Variants in PAOX observed in about 807,000 individuals in gnomAD.
The protein encoded by PAOX is polyamine oxidase, also known as peroxisomal N(1)-acetyl-spermine/spermidine oxidase.
A neutral mutation model predicts 39.0 loss-of-function variants in PAOX; 38 were observed. The observed-to-expected ratio is 0.97, with a 90% CI of 0.75 to 1.28. PAOX has a LOEUF of 1.28. PAOX is among the 50% of genes most tolerant of loss of function. PAOX has a pLI of 0.00. For synonymous variants in PAOX, 311 were observed against 314.4 expected, an observed-to-expected ratio of 0.99 and a Z score of 0.11; for missense variants, 667 against 685.7, an observed-to-expected ratio of 0.97 and a Z score of 0.30.
At chr10:133,388,276 T>C (rs956965296) in intron 4 of PAOX, among the ~76,000 whole-genome samples, 5 of 152,156 alleles carry the variant, frequency 3.3e-5, no homozygotes, top group African/African-American at 1.2e-4. Flanking sequence ...CATTAGTTAT[T>C]TTTCCTGCTC....
In PAOX at chr10:133,384,058, A is replaced by T. The variant is rs1331071945; in HGVS notation, c.967A>T (p.Ile323Phe). Residue 323 changes from isoleucine to phenylalanine, a missense_variant, in exon 4 of 7, where the codon ATC (isoleucine) becomes TTC (phenylalanine). By Grantham distance (21) the Ile-to-Phe change is conservative. Transcript: ENST00000278060. The surrounding 1 kb of genome is among the most constrained non-coding windows in gnomAD (Gnocchi z 4.3). The stretch of plus-strand genomic sequence containing the variant: ...GATAGGCTTTGGGACCAACAACAAA[A>T]TCTTCCTGGAGTTTGAGGAGCCCTT... ...RKIGFGTNNK[I>F]FLEFEEPFWE... The T allele has an allele frequency of 6.2e-7, 1 of 1,614,092 alleles. No individual in the cohort carries two copies. Among genetic ancestry groups the T allele is most frequent in the Non-Finnish European group, 8.5e-7 (1 of 1,179,986 alleles).
At chr10:133,381,937 C>A (rs978044215) in intron 3 of PAOX, among the ~76,000 whole-genome samples, 1 of 152,152 alleles carries the variant, frequency 6.6e-6, no homozygotes, top group African/African-American at 2.4e-5. Context: ...ATTAACCACA[C>A]CGCACTTTGC....
chr10:133,379,658 C>A, intron 1 of PAOX, 161 bp downstream of exon 1: 2 of 644,366 alleles, frequency 3.1e-6, no homozygotes, highest in Non-Finnish European at 4.4e-6. Flanking sequence ...CGCCCCGAAA[C>A]TCAGGGCTCA....
At chr10:133,389,789 A>C in intron 6 of PAOX, 42 bp downstream of exon 6, 2 of 1,411,714 alleles carry the variant, frequency 1.4e-6, no homozygotes, top group Non-Finnish European at 1.8e-6. Context: ...GTCCCGCTGC[A>C]GAGGCCCCCG....
chr10:133,388,219 CTTG>C (rs1302837306), intron 4 of PAOX, among the ~76,000 whole-genome samples: 4 of 152,070 alleles, frequency 2.6e-5, no homozygotes, highest in African/African-American at 7.2e-5. Flanking sequence ...ATCATGGGGG[CTTG>C]TTGTACAGAT....
At chr10:133,390,499 C>T (rs1201166145) in intron 6 of PAOX, among the ~76,000 whole-genome samples, 1 of 152,004 alleles carries the variant, frequency 6.6e-6, no homozygotes, top group African/African-American at 2.4e-5. Context: ...CAGGCTTGGG[C>T]CCAGGAAGTT....
chr10:133,390,410 CCACACACACACACA>C (rs59249557), intron 6 of PAOX, among the ~76,000 whole-genome samples: 16 of 145,328 alleles, frequency 1.1e-4, no homozygotes, highest in African/African-American at 3.3e-4. Context: ...GAGTCGGTCT[CCACACACACACACA>C]CACACACACA....
chr10:133,381,745 C>T, intron 3 of PAOX, 86 bp downstream of exon 3: 1 of 1,386,462 alleles, frequency 7.2e-7, no homozygotes, highest in Non-Finnish European at 1.0e-6. Context: ...GGGGCGTTTG[C>T]TTGTGTACGA....
intron 2 of PAOX, among the ~76,000 whole-genome samples, chr10:133,380,819 A>C (rs945862799): frequency 6.6e-6 from 1 of 152,124 alleles, no homozygotes; most frequent in African/African-American, 2.4e-5. Context: ...CTCTACTAAA[A>C]ATACAAAAAT....
intron 4 of PAOX, among the ~76,000 whole-genome samples, chr10:133,388,726 G>T (rs1183216575): frequency 6.6e-6 from 1 of 152,224 alleles, no homozygotes; most frequent in Non-Finnish European, 1.5e-5. Context: ...CTGCCTGAGG[G>T]ACGCTCTGTG....
chr10:133,384,314 G>C lies in PAOX; in HGVS notation c.1121+102G>C. ...CTGTTCACTGCAGGGTATTTCTAGG[G>C]GGTTTAATGGGTAGGGTTCCCATGA... On this transcript the variant is annotated intron_variant, in intron 4 of 6. Transcript: ENST00000278060. The surrounding 1 kb of genome is among the most constrained non-coding windows in gnomAD (Gnocchi z 4.3). 6.6e-7 allele frequency: 1 copy of C among 1,507,740 alleles called. No homozygotes were observed. The highest frequency in any genetic ancestry group is 1.3e-5 in the South Asian group (1 of 76,984). 93.4% of individuals were successfully genotyped at this position (1,507,740 alleles called of 1,614,324 possible).
chr10:133,389,569 T>C (rs758773421), intron 5 of PAOX, 21 bp from the exon 6 acceptor site: 8 of 1,613,722 alleles, frequency 5.0e-6, no homozygotes, highest in South Asian at 1.1e-5. Context: ...TCGGTTAACA[T>C]GCAGTGTCTC....
In PAOX at chr10:133,380,107, A is replaced by C. The variant is rs531572023; in HGVS notation, c.290A>C (p.Gln97Pro). The change falls in exon 2 of 7, where the codon CAG (glutamine) becomes CCG (proline). Residue 97 changes from glutamine to proline, a missense_variant. By Grantham distance (76) the Gln-to-Pro change is moderately conservative. Transcript: ENST00000278060. ...YGLLGEKELS[Q>P]ENQLVETGGH... ...CTGCTGGGGGAGAAGGAGCTGTCCC[A>C]GGAGAACCAGCTGGTGGAGACCGGG... 2 of 1,567,680 alleles carry C rather than the reference A, an allele frequency of 1.3e-6. No homozygotes were observed. Among genetic ancestry groups the C allele is most frequent in the Admixed American group, 3.6e-5 (2 of 56,028 alleles).
intron 6 of PAOX, chr10:133,391,030 C>G: frequency 2.8e-6 from 2 of 702,280 alleles, no homozygotes; most frequent in Non-Finnish European, 2.6e-6. Context: ...TTGGTGGATG[C>G]GTGTGAGCCG....
At position 133,379,469 on chromosome 10, in the gene PAOX, G is replaced by C. The variant is rs986061693; in HGVS notation, c.153G>C (p.Gly51=). Residue 51 remains glycine (G), a synonymous_variant, in exon 1 of 7, where the codon GGG becomes GGC. Transcript: ENST00000278060. ...LRVLEATARA[G]GRIRSERCFG... is the part of the protein sequence containing the mutation. ...TCCTGGAGGCCACGGCCCGCGCCGGGGGCCGCATCCGCTCGGAGCGCTGCT... is the reference window on the plus strand; with the variant it reads ...TCCTGGAGGCCACGGCCCGCGCCGGCGGCCGCATCCGCTCGGAGCGCTGCT... 1.6e-6 allele frequency: 2 copies of C among 1,225,506 alleles called. No homozygotes were observed. Among genetic ancestry groups the C allele is most frequent in the African/African-American group, 1.6e-5 (1 of 63,958 alleles). 75.9% of individuals were successfully genotyped at this position (1,225,506 alleles called of 1,614,324 possible).
At position 133,380,193 on chromosome 10, in the gene PAOX, C is replaced by T; in HGVS notation, c.376C>T (p.Leu126=). ...CTCCGGGGCCAGCGTGAGCCTCCAG[C>T]TGGTGGCGGAGATGGCGACTCTGTT... ...ASSGASVSLQ[L]VAEMATLFYG... Residue 126 remains leucine (L), a synonymous_variant, in exon 2 of 7, where the codon CTG becomes TTG. Coordinates refer to ENST00000278060, the MANE Select transcript of PAOX (RefSeq NM_152911.4). 1.2e-6 allele frequency: 2 copies of T among 1,612,446 alleles called. No homozygotes were observed. Among genetic ancestry groups the T allele is most frequent in the Non-Finnish European group, 8.5e-7 (1 of 1,179,656 alleles).
intron 3 of PAOX, among the ~76,000 whole-genome samples, chr10:133,382,285 T>A (rs1849408112): frequency 1.3e-5 from 2 of 152,050 alleles, no homozygotes; most frequent in African/African-American, 4.8e-5. Flanking sequence ...GAGAAGTCAC[T>A]TAATTGCCCA....
At chr10:133,390,184 C>T (rs1849637404) in intron 6 of PAOX, among the ~76,000 whole-genome samples, 1 of 150,130 alleles carries the variant, frequency 6.7e-6, no homozygotes, top group South Asian at 2.1e-4. Flanking sequence ...TCCCCGCCCA[C>T]CCCCGCCCTT....
chr10:133,387,671 G>A (rs922310615), intron 4 of PAOX, among the ~76,000 whole-genome samples: 5 of 152,354 alleles, frequency 3.3e-5, no homozygotes, highest in East Asian at 3.9e-4. Context: ...CACGGCCACC[G>A]TGCACCACGC....
Sources: allele counts gnomAD v4.1 joint callset (sites outside exome capture counted in the v4.1 genomes callset), GRCh38; gene constraint gnomAD v4.1.1; non-coding constraint Gnocchi (gnomAD v3.1); transcripts MANE v1.5; gene names NCBI Gene and HGNC (gene_info 2026-07-23, HGNC 2026-07-21).